The following PDIA2 variants were observed in gnomAD, a reference collection of about 807,000 sequenced individuals.
PDIA2 encodes the protein protein disulfide-isomerase A2.
Under a neutral mutation model 51.1 loss-of-function variants are expected in PDIA2, and 76 were observed. That is an observed-to-expected ratio of 1.49 (90% CI 1.24 to 1.80). PDIA2 has a LOEUF of 1.80. Among genes scored for constraint, PDIA2 ranks in the 40% most tolerant of loss-of-function variants. PDIA2 has a pLI of 0.00. For missense variants in PDIA2, 946 were observed against 706.5 expected (o/e 1.34, Z -3.84); for synonymous variants, 429 against 309.9 (o/e 1.38, Z -4.04).
At position 287,063 on chromosome 16, in the gene PDIA2, T is replaced by A. The variant is rs1490270180; in HGVS notation, c.1534-6T>A. 1.2e-6 allele frequency: 2 copies of A among 1,612,562 alleles called. No individual in the cohort carries two copies. Among genetic ancestry groups the A allele is most frequent in the Non-Finnish European group, 8.5e-7 (1 of 1,179,950 alleles). Reference sequence around the variant, plus strand: ...AGCTTCGAGCTGCACTTGTGACCCTTTCTAGGAGCCACCGGCCAACTCCAC... The same window carrying A: ...AGCTTCGAGCTGCACTTGTGACCCTATCTAGGAGCCACCGGCCAACTCCAC... On this transcript the variant is annotated splice_region_variant and splice_polypyrimidine_tract_variant and intron_variant, in intron 10 of 10. Coordinates refer to ENST00000219406, the MANE Select transcript of PDIA2 (RefSeq NM_006849.4).
At chr16:286,322 C>T (rs2052378351) in intron 7 of PDIA2, 31 bp from the exon 8 acceptor site, 1 of 1,587,300 alleles carries the variant, frequency 6.3e-7, no homozygotes, top group Non-Finnish European at 8.6e-7. Context: ...CAGAGGACCC[C>T]TGGCAAAGCG....
Position 286,644 on chromosome 16 carries a change from C to T in PDIA2, c.1331C>T (p.Ala444Val). 1.9e-6 allele frequency: 3 copies of T among 1,612,586 alleles called. No individual in the cohort carries two copies. The highest frequency in any genetic ancestry group is 1.3e-5 in the African/African-American group (1 of 75,052). Reference protein sequence around the residue: ...KYQDHEDIIIAELDATANELD... With the variant: ...KYQDHEDIIIVELDATANELD... ...CAAGACCACGAGGACATCATCATTG[C>T]TGAGCTGGATGCCACGGCCAACGAG... Residue 444 changes from alanine to valine, a missense_variant, in exon 9 of 11, where the codon GCT becomes GTT. Ala to Val is a moderately conservative substitution (Grantham distance 64, BLOSUM62 0). Coordinates refer to ENST00000219406, the MANE Select transcript of PDIA2 (RefSeq NM_006849.4).
chr16:285,397 T>C lies in PDIA2; in HGVS notation c.881T>C (p.Leu294Pro). 1 of 1,609,280 alleles carries C rather than the reference T, an allele frequency of 6.2e-7. No homozygotes were observed. The highest frequency in any genetic ancestry group is 8.5e-7 in the Non-Finnish European group (1 of 1,178,272). The change falls in exon 6 of 11, where the codon CTA (leucine) becomes CCA (proline). Residue 294 changes from leucine (L) to proline (P), a missense_variant. Physicochemically the swap from Leu to Pro is moderately conservative, Grantham distance 98. Coordinates refer to ENST00000219406, the MANE Select transcript of PDIA2 (RefSeq NM_006849.4). ...ACGCTGGCTGCGCACCGGGAGCTCC[T>C]AGCGGGCTTTGGGGAGGCAGCTCCC... Reference protein sequence around the residue: ...NQTLAAHRELLAGFGEAAPRF... With the variant: ...NQTLAAHRELPAGFGEAAPRF...
At chr16:283,452 C>G in intron 1 of PDIA2, 84 bp downstream of exon 1, 1 of 1,394,406 alleles carries the variant, frequency 7.2e-7, no homozygotes. Flanking sequence ...CCGGCAAATG[C>G]AGGGCATGTG....
Position 284,579 on chromosome 16 carries a change from C to A in PDIA2, c.392C>A (p.Pro131Gln). ...TTCCGCAATGGGAACCGCACGCACC[C>A]GGAGGAGTACACAGGTGAGGGGCAG... ...KFFRNGNRTH[P>Q]EEYTGPRDAE... Residue 131 changes from proline (P) to glutamine (Q), a missense_variant, in exon 2 of 11, where the codon CCG (proline) becomes CAG (glutamine). Transcript: ENST00000219406. The A allele has an allele frequency of 6.2e-7, 1 of 1,612,136 alleles. No individual in the cohort carries two copies.
chr16:285,261 G>A, intron 5 of PDIA2, 51 bp from the exon 6 acceptor site: 2 of 1,612,210 alleles, frequency 1.2e-6, no homozygotes. Flanking sequence ...CAGGGATGGG[G>A]GTGCCTAGGC....
At position 285,383 on chromosome 16, in the gene PDIA2, G is replaced by A. The variant is rs200268548; in HGVS notation, c.867G>A (p.Ala289=). Residue 289 remains alanine, a synonymous_variant, in exon 6 of 11, where the codon GCG becomes GCA. Transcript: ENST00000219406. ...TGTTTGTCAACCAGACGCTGGCTGC[G>A]CACCGGGAGCTCCTAGCGGGCTTTG... The part of the protein sequence containing the change: ...LLLFVNQTLA[A]HRELLAGFGE... 3.7e-5 allele frequency: 60 copies of A among 1,609,858 alleles called. No homozygotes were observed. In the Middle Eastern group the frequency reaches 8.2e-4, roughly 22 times the overall value.
rs201624048 is a variant in PDIA2, at chr16:286,700, ACT to A, written c.1391_1392del (p.Leu464GlnfsTer13). 5.5e-3 allele frequency: 8,876 copies of A among 1,612,376 alleles called. 49 individuals are homozygous for A. The highest frequency in any genetic ancestry group is 0.012 in the Middle Eastern group (73 of 6,062). On this transcript the variant is annotated frameshift_variant, in exon 9 of 11. Coordinates refer to ENST00000219406, the MANE Select transcript of PDIA2 (RefSeq NM_006849.4). LOFTEE classifies it high-confidence loss of function. The part of the protein sequence containing the change: ...LDAFAVHGFP[T>X]LKYFPAGPGR... ...TGCCTTCGCTGTGCACGGCTTCCCT[ACT>A]CTCAAGTACTTCCCAGCAGGGCCAG...
Position 286,829 on chromosome 16 carries a change from T to C in PDIA2, c.1423-6T>C. The C allele has an allele frequency of 6.2e-7, 1 of 1,611,136 alleles. No homozygotes were observed. The highest frequency in any genetic ancestry group is 8.5e-7 in the Non-Finnish European group (1 of 1,179,214). ...GTGTCCTCCAGATCCCCCTGCCTCT[T>C]CTCAGGTGATTGAATACAAAAGCAC... On this transcript the variant is annotated splice_region_variant and splice_polypyrimidine_tract_variant and intron_variant, in intron 9 of 10. Coordinates refer to ENST00000219406, the MANE Select transcript of PDIA2 (RefSeq NM_006849.4).
In PDIA2 at chr16:285,582, C is replaced by A; in HGVS notation, c.998C>A (p.Ala333Asp). ...LQYFGLKAEA[A>D]PTLRLVNLET... Reference sequence around the variant, plus strand: ...TACTTTGGACTCAAGGCTGAGGCAGCCCCCACTCTGCGCTTGGTCAACCTT... The same window carrying A: ...TACTTTGGACTCAAGGCTGAGGCAGACCCCACTCTGCGCTTGGTCAACCTT... Residue 333 changes from alanine to aspartate, a missense_variant, in exon 7 of 11, where the codon GCC becomes GAC. By Grantham distance (126) the Ala-to-Asp change is moderately radical. Transcript: ENST00000219406. 1.2e-6 allele frequency: 2 copies of A among 1,613,134 alleles called. No homozygotes were observed. The highest frequency in any genetic ancestry group is 1.7e-6 in the Non-Finnish European group (2 of 1,179,948).
rs1324757559 is a variant in PDIA2, at chr16:287,128, C to T, written c.*15C>T. 3 of 1,612,654 alleles carry T rather than the reference C, an allele frequency of 1.9e-6. No homozygotes were observed. Among genetic ancestry groups the T allele is most frequent in the Admixed American group, 3.3e-5 (2 of 60,014 alleles). Reference sequence around the variant, plus strand: ...AGGAACTGTAGCTGCCCCCGTGTCACCCCCGCCATCACTGCTGGACAGGAG... The same window carrying T: ...AGGAACTGTAGCTGCCCCCGTGTCATCCCCGCCATCACTGCTGGACAGGAG... On this transcript the variant is annotated 3_prime_UTR_variant, in exon 11 of 11. Transcript: ENST00000219406.
chr16:283,671 G>A (rs1327121426), intron 1 of PDIA2, among the ~76,000 whole-genome samples: 1 of 152,200 alleles, frequency 6.6e-6, no homozygotes, highest in Non-Finnish European at 1.5e-5. Context: ...GCTGCCAGGG[G>A]CATCCCACAG....
rs747520476 is a variant in PDIA2 at position 286,743 on chromosome 16, G to C, written c.1422+8G>C. The C allele has an allele frequency of 1.2e-6, 2 of 1,612,674 alleles. No individual in the cohort carries two copies. The highest frequency in any genetic ancestry group is 3.3e-5 in the Admixed American group (2 of 59,992). On this transcript the variant is annotated splice_region_variant and intron_variant, in intron 9 of 10. Coordinates refer to ENST00000219406, the MANE Select transcript of PDIA2 (RefSeq NM_006849.4). ...GCAGGGCCAGGTCGGAAGGTATGGCGGACAGGTGGCTGGGGAGGAAGCCGG... is the reference window on the plus strand; with the variant it reads ...GCAGGGCCAGGTCGGAAGGTATGGCCGACAGGTGGCTGGGGAGGAAGCCGG...
rs1210559110 is a variant in PDIA2 at position 287,140 on chromosome 16, C to G, written c.*27C>G. ...TGCCCCCGTGTCACCCCCGCCATCACTGCTGGACAGGAGCCACCCCCTTGG... is the reference window on the plus strand; with the variant it reads ...TGCCCCCGTGTCACCCCCGCCATCAGTGCTGGACAGGAGCCACCCCCTTGG... On this transcript the variant is annotated 3_prime_UTR_variant, in exon 11 of 11. Coordinates refer to ENST00000219406, the MANE Select transcript of PDIA2 (RefSeq NM_006849.4). The G allele has an allele frequency of 1.2e-6, 2 of 1,612,546 alleles. No homozygotes were observed. Among genetic ancestry groups the G allele is most frequent in the South Asian group, 2.2e-5 (2 of 91,080 alleles).
At position 285,365 on chromosome 16, in the gene PDIA2, C is replaced by T; in HGVS notation, c.849C>T (p.Val283=). Residue 283 remains valine (V), a synonymous_variant, in exon 6 of 11, where the codon GTC becomes GTT. Coordinates refer to ENST00000219406, the MANE Select transcript of PDIA2 (RefSeq NM_006849.4). ...ARILNHLLLF[V]NQTLAAHREL... ...TCCTCAACCACCTGCTGCTGTTTGTCAACCAGACGCTGGCTGCGCACCGGG... is the reference window on the plus strand; with the variant it reads ...TCCTCAACCACCTGCTGCTGTTTGTTAACCAGACGCTGGCTGCGCACCGGG... 1.9e-6 allele frequency: 3 copies of T among 1,612,844 alleles called. No homozygotes were observed. Among genetic ancestry groups the T allele is most frequent in the Non-Finnish European group, 2.5e-6 (3 of 1,179,896 alleles).
chr16:284,704 T>C lies in PDIA2; in HGVS notation c.452T>C (p.Val151Ala). The change falls in exon 3 of 11, where the codon GTG becomes GCG. Residue 151 changes from valine (V) to alanine (A), a missense_variant. Transcript: ENST00000219406. ...EGIAEWLRRRVGPSAMRLEDE... is the reference protein window; with the variant it reads ...EGIAEWLRRRAGPSAMRLEDE... ...ATTGCCGAGTGGCTGCGACGGCGGGTGGGGCCCAGTGCCATGCGGCTGGAG... is the reference window on the plus strand; with the variant it reads ...ATTGCCGAGTGGCTGCGACGGCGGGCGGGGCCCAGTGCCATGCGGCTGGAG... The C allele has an allele frequency of 1.3e-6, 2 of 1,573,578 alleles. No homozygotes were observed. Among genetic ancestry groups the C allele is most frequent in the Non-Finnish European group, 1.7e-6 (2 of 1,165,560 alleles).
rs375662983 is a variant in PDIA2 at position 286,308 on chromosome 16, C to A, written c.1120-45C>A. Reference sequence around the variant, plus strand: ...AGGCCCTGCACAGGACCTCCTGAACCCTGCAGAGGACCCCTGGCAAAGCGC... The same window carrying A: ...AGGCCCTGCACAGGACCTCCTGAACACTGCAGAGGACCCCTGGCAAAGCGC... On this transcript the variant is annotated intron_variant, in intron 7 of 10. Transcript: ENST00000219406. 7.6e-5 allele frequency: 118 copies of A among 1,552,980 alleles called. 1 individual carries two copies. The highest frequency in any genetic ancestry group is 6.5e-4 in the South Asian group (56 of 85,522).
Position 286,766 on chromosome 16 carries a change from CG to C in PDIA2, c.1422+35del, listed in dbSNP as rs748473772. 1.6e-5 allele frequency: 25 copies of C among 1,612,414 alleles called. No homozygotes were observed. The Admixed American group carries it at 3.0e-4, about 19-fold the overall frequency. ...GCGGACAGGTGGCTGGGGAGGAAGC[CG>C]GGGTGCCATCTTGCTGGGCATGGGG... On this transcript the variant is annotated intron_variant, in intron 9 of 10. Transcript: ENST00000219406.
chr16:285,598 G>C lies in PDIA2; in HGVS notation c.1014G>C (p.Leu338Phe). 6.2e-7 allele frequency: 1 copy of C among 1,613,226 alleles called. No individual in the cohort carries two copies. Among genetic ancestry groups the C allele is most frequent in the South Asian group, 1.1e-5 (1 of 91,010 alleles). ...CTGAGGCAGCCCCCACTCTGCGCTTGGTCAACCTTGAAACCACTAAGAAGT... is the reference window on the plus strand; with the variant it reads ...CTGAGGCAGCCCCCACTCTGCGCTTCGTCAACCTTGAAACCACTAAGAAGT... Reference protein sequence around the residue: ...LKAEAAPTLRLVNLETTKKYA... With the variant: ...LKAEAAPTLRFVNLETTKKYA... Residue 338 changes from leucine to phenylalanine, a missense_variant, in exon 7 of 11, where the codon TTG becomes TTC. By Grantham distance (22) the Leu-to-Phe change is conservative. Transcript: ENST00000219406.
Sources: allele counts gnomAD v4.1 joint callset (sites outside exome capture counted in the v4.1 genomes callset), GRCh38; gene constraint gnomAD v4.1.1; transcripts MANE v1.5; gene names NCBI Gene and HGNC (gene_info 2026-07-23, HGNC 2026-07-21).